MYO16: variants seen among roughly 807,000 people sequenced by gnomAD.
The protein encoded by MYO16 is myosin XVI, also known as unconventional myosin-XVI.
Under a neutral mutation model 205.3 loss-of-function variants are expected in MYO16, and 94 were observed. The ratio of observed to expected loss-of-function variants is 0.46; its 90% CI spans 0.39 to 0.54. The LOEUF is 0.54. MYO16 is among the 20% of genes least tolerant of loss of function. MYO16 has a pLI of 0.00. For synonymous variants in MYO16, 988 were observed against 954.0 expected (o/e 1.04, Z -0.66); for missense variants, 2,315 against 2,387.5 (o/e 0.97, Z 0.63).
At chr13:109,132,796 T>C (rs1876599847) in intron 31 of MYO16, among the ~76,000 whole-genome samples, 1 of 152,226 alleles carries the variant, frequency 6.6e-6, no homozygotes, top group Admixed American at 6.5e-5. Flanking sequence ...GACGCAGTTG[T>C]ACATCCAACA....
At chr13:108,578,224 A>G in the MYO16 span, among the ~76,000 whole-genome samples, 2 of 152,208 alleles carry the variant, frequency 1.3e-5, no homozygotes, top group African/African-American at 4.8e-5. Context: ...GAAATGACCT[A>G]GTAAAGCTGG....
intron 10 of MYO16, among the ~76,000 whole-genome samples, chr13:108,848,365 T>C (rs1877633921): frequency 1.3e-5 from 2 of 152,230 alleles, no homozygotes; most frequent in Non-Finnish European, 2.9e-5. Context: ...GTTATGTTGG[T>C]TAACATTTCA....
At chr13:108,972,845 G>A (rs546021616) in intron 20 of MYO16, among the ~76,000 whole-genome samples, 50 of 151,796 alleles carry the variant, frequency 3.3e-4, no homozygotes, top group Non-Finnish European at 6.0e-4. Flanking sequence ...GGGATTTTTT[G>A]TGGGTTTTCT....
chr13:108,793,506 C>T lies in MYO16; in HGVS notation c.617-10C>T, dbSNP rs375228066. ...CTCCATTCTGGTTGAAAGGCTCTTT[C>T]TCCCCACAGGAGTGGATTTGACCTC... On this transcript the variant is annotated splice_polypyrimidine_tract_variant and intron_variant, in intron 5 of 34. Coordinates refer to ENST00000457511, the MANE Select transcript of MYO16 (RefSeq NM_001198950.3). The T allele has an allele frequency of 1.5e-5, 24 of 1,611,954 alleles. No homozygotes were observed. The highest frequency in any genetic ancestry group is 1.7e-5 in the Non-Finnish European group (20 of 1,178,798).
intron 1 of MYO16, among the ~76,000 whole-genome samples, chr13:108,608,331 A>G (rs923241587): frequency 6.6e-6 from 1 of 151,980 alleles, no homozygotes; most frequent in Non-Finnish European, 1.5e-5. Context: ...CTCTGCTAAT[A>G]ATTTGCCATT....
chr13:108,683,532 A>T (rs9583278), intron 2 of MYO16, among the ~76,000 whole-genome samples: 20,905 of 152,224 alleles, frequency 0.14, 1,669 homozygotes, highest in Non-Finnish European at 0.18. Flanking sequence ...TTTATGCAGA[A>T]TTGGTGTGTT....
At chr13:108,607,478 CT>C (rs1879003302) in intron 1 of MYO16, among the ~76,000 whole-genome samples, 1 of 152,112 alleles carries the variant, frequency 6.6e-6, no homozygotes, top group Non-Finnish European at 1.5e-5. Flanking sequence ...TTTCCTGCTT[CT>C]TTTAGCACTT....
At chr13:108,682,294 T>C (rs571963154) in intron 2 of MYO16, among the ~76,000 whole-genome samples, 1 of 152,340 alleles carries the variant, frequency 6.6e-6, no homozygotes, top group Admixed American at 6.5e-5. Context: ...GTTCCTTGAA[T>C]ACAGTGGTTC....
intron 27 of MYO16, among the ~76,000 whole-genome samples, chr13:109,060,675 G>A (rs1311354169): frequency 6.6e-6 from 1 of 152,128 alleles, no homozygotes; most frequent in Non-Finnish European, 1.5e-5. Flanking sequence ...TGGATGTGCT[G>A]TCATCCATGC....
At chr13:108,570,607 G>A in the MYO16 span, among the ~76,000 whole-genome samples, 13 of 152,302 alleles carry the variant, frequency 8.5e-5, no homozygotes, top group South Asian at 2.5e-3. Flanking sequence ...GGCCTGAGAA[G>A]CAAACATTTA....
At chr13:108,759,819 CAAA>C (rs34991762) in intron 4 of MYO16, among the ~76,000 whole-genome samples, 8,953 of 123,836 alleles carry the variant, frequency 0.072, 317 homozygotes, top group African/African-American at 0.13. Flanking sequence ...GACTCCGTCT[CAAA>C]AAAAAAAAAA....
chr13:108,662,504 G>C (rs1270829945), intron 1 of MYO16, among the ~76,000 whole-genome samples: 2 of 152,094 alleles, frequency 1.3e-5, no homozygotes, highest in Admixed American at 1.3e-4. Flanking sequence ...CACTGGAGTT[G>C]TGTACCTAGG....
At chr13:109,094,400 G>A (rs962356336) in intron 27 of MYO16, among the ~76,000 whole-genome samples, 1 of 152,030 alleles carries the variant, frequency 6.6e-6, no homozygotes, top group African/African-American at 2.4e-5. Flanking sequence ...TTGTAGAGAT[G>A]GGGTCTTGCT....
intron 2 of MYO16, among the ~76,000 whole-genome samples, chr13:108,694,002 C>T (rs547008627): frequency 6.6e-6 from 1 of 152,162 alleles, no homozygotes; most frequent in Non-Finnish European, 1.5e-5. Context: ...AGAATAATGG[C>T]CTTCAGCTCC....
intron 34 of MYO16, among the ~76,000 whole-genome samples, chr13:109,191,036 T>C (rs1879891658): frequency 1.3e-5 from 2 of 151,746 alleles, no homozygotes; most frequent in South Asian, 2.1e-4. Flanking sequence ...CTAGCCAAAA[T>C]GGAGAAACCC....
chr13:108,765,212 T>G (rs1885738814), intron 4 of MYO16, among the ~76,000 whole-genome samples: 1 of 152,210 alleles, frequency 6.6e-6, no homozygotes, highest in South Asian at 2.1e-4. Flanking sequence ...GATTTTCTTC[T>G]CAACATGATT....
At chr13:108,879,274 A>G (rs1259302204) in intron 12 of MYO16, among the ~76,000 whole-genome samples, 2 of 152,224 alleles carry the variant, frequency 1.3e-5, no homozygotes, top group African/African-American at 2.4e-5. Flanking sequence ...ATTGTGGATC[A>G]TGTATTCTAC....
intron 10 of MYO16, among the ~76,000 whole-genome samples, chr13:108,854,920 G>C (rs1198079160): frequency 6.6e-6 from 1 of 152,162 alleles, no homozygotes; most frequent in Non-Finnish European, 1.5e-5. Context: ...AAGTAATGTA[G>C]AGCAGAATAG....
At chr13:108,626,899 GTATATTATA>G (rs987955737), upstream of MYO16, among the ~76,000 whole-genome samples, 5 of 144,568 alleles carry the variant, frequency 3.5e-5, no homozygotes, top group African/African-American at 7.6e-5. Flanking sequence ...ATGTATATAT[GTATATTATA>G]TATATTATAT....
Sources: allele counts gnomAD v4.1 joint callset (sites outside exome capture counted in the v4.1 genomes callset), GRCh38; gene constraint gnomAD v4.1.1; transcripts MANE v1.5; gene names NCBI Gene and HGNC (gene_info 2026-07-23, HGNC 2026-07-21).